The following ITCH variants were observed in gnomAD, a reference collection of about 807,000 sequenced individuals.
ITCH encodes the protein itchy E3 ubiquitin protein ligase, also known as E3 ubiquitin-protein ligase Itchy homolog.
In ITCH, 28 loss-of-function variants were observed where a neutral mutation model predicts 126.8. The observed-to-expected ratio is 0.22, with a 90% CI of 0.16 to 0.30. The LOEUF (loss-of-function observed/expected upper bound fraction) is 0.30, where lower values mean the gene tolerates loss of function less well. ITCH is among the 10% of genes least tolerant of loss of function. ITCH has a pLI of 1.00. For synonymous variants in ITCH, 342 were observed against 340.0 expected (o/e 1.01, Z -0.06); for missense variants, 631 against 1,032.4 (o/e 0.61, Z 5.33).
intron 12 of ITCH, among the ~76,000 whole-genome samples, chr20:34,456,994 G>GATT (rs1294112316): frequency 6.6e-6 from 1 of 151,634 alleles, no homozygotes; most frequent in African/African-American, 2.4e-5. Flanking sequence ...GTTTCAGGTA[G>GATT]ATTATTTAAC....
At chr20:34,407,306 G>A (rs1377672177) in intron 3 of ITCH, among the ~76,000 whole-genome samples, 2 of 151,846 alleles carry the variant, frequency 1.3e-5, no homozygotes, top group African/African-American at 2.4e-5. Context: ...TCACTCTGTC[G>A]CCCAGGCTGG....
At chr20:34,407,042 G>A (rs572898158) in intron 3 of ITCH, among the ~76,000 whole-genome samples, 4 of 152,156 alleles carry the variant, frequency 2.6e-5, no homozygotes, top group African/African-American at 9.6e-5. Context: ...GGAAATCATG[G>A]GGTGCTTTGC....
chr20:34,393,660 G>GA (rs2038564782), intron 2 of ITCH, 131 bp from the exon 3 acceptor site: 1 of 714,298 alleles, frequency 1.4e-6, no homozygotes, highest in African/African-American at 1.8e-5. Context: ...GACTAGAATT[G>GA]AAAATTGTGT....
intron 6 of ITCH, among the ~76,000 whole-genome samples, chr20:34,423,119 G>C (rs754278709): frequency 3.3e-5 from 5 of 152,024 alleles, no homozygotes; most frequent in Non-Finnish European, 7.4e-5. Context: ...CTAAAAATTC[G>C]TCTTTTTCTG....
intron 7 of ITCH, among the ~76,000 whole-genome samples, chr20:34,428,999 G>A (rs780643035): frequency 2.0e-5 from 3 of 152,042 alleles, no homozygotes; most frequent in Non-Finnish European, 2.9e-5. Context: ...GTGCAGTGGC[G>A]TGATCTCAGC....
At chr20:34,468,757 C>T (rs550311231) in intron 14 of ITCH, among the ~76,000 whole-genome samples, 9 of 150,706 alleles carry the variant, frequency 6.0e-5, no homozygotes, top group African/African-American at 2.0e-4. Flanking sequence ...CGCCACTGCA[C>T]TCCAGCCTGG....
At chr20:34,389,343 G>C (rs950339333) in intron 2 of ITCH, among the ~76,000 whole-genome samples, 2 of 152,054 alleles carry the variant, frequency 1.3e-5, no homozygotes, top group Admixed American at 6.6e-5. Flanking sequence ...TTGAAAAAAG[G>C]CTGCATATAA....
intron 2 of ITCH, among the ~76,000 whole-genome samples, chr20:34,393,432 G>C (rs1433979644): frequency 6.6e-6 from 1 of 152,182 alleles, no homozygotes; most frequent in Non-Finnish European, 1.5e-5. Context: ...AAGGGAATGA[G>C]TGTAGATAGA....
chr20:34,380,724 T>C (rs2146019483), intron 2 of ITCH, among the ~76,000 whole-genome samples: 1 of 151,472 alleles, frequency 6.6e-6, no homozygotes, highest in Middle Eastern at 3.4e-3. Flanking sequence ...GTGCTATGAT[T>C]ACAGGCATGA....
chr20:34,418,590 CA>C (rs1980281189), intron 6 of ITCH, among the ~76,000 whole-genome samples: 2 of 151,958 alleles, frequency 1.3e-5, no homozygotes, highest in African/African-American at 4.8e-5. Context: ...TACTAGATCT[CA>C]ACTGGTCTGG....
chr20:34,389,405 G>C (rs2038406629), intron 2 of ITCH, among the ~76,000 whole-genome samples: 1 of 152,086 alleles, frequency 6.6e-6, no homozygotes, highest in Admixed American at 6.6e-5. Flanking sequence ...ACTGTAATTA[G>C]AATTATAAAA....
intron 2 of ITCH, among the ~76,000 whole-genome samples, chr20:34,389,742 C>G (rs1192983403): frequency 6.6e-6 from 1 of 152,086 alleles, no homozygotes; most frequent in Non-Finnish European, 1.5e-5. Context: ...GACTTTATTA[C>G]TCAAAGTCAT....
intron 12 of ITCH, among the ~76,000 whole-genome samples, chr20:34,451,854 G>A (rs1188685520): frequency 6.6e-6 from 1 of 152,070 alleles, no homozygotes; most frequent in Non-Finnish European, 1.5e-5. Context: ...CATTGCTTGA[G>A]CCCGGGAGTT....
chr20:34,398,765 C>G (rs2038766603), intron 3 of ITCH, among the ~76,000 whole-genome samples: 2 of 151,734 alleles, frequency 1.3e-5, no homozygotes, highest in South Asian at 4.2e-4. Context: ...CTAATTGGGT[C>G]TAAATATTCT....
At chr20:34,447,444 C>G (rs572082277) in intron 11 of ITCH, among the ~76,000 whole-genome samples, 2 of 152,144 alleles carry the variant, frequency 1.3e-5, no homozygotes, top group East Asian at 3.9e-4. Flanking sequence ...ATGAAGTGGC[C>G]TTTGTCCACC....
intron 14 of ITCH, among the ~76,000 whole-genome samples, 193 bp from the exon 15 acceptor site, chr20:34,469,855 T>G (rs1246160472): frequency 6.6e-6 from 1 of 152,236 alleles, no homozygotes. Flanking sequence ...AGTTTTTTGT[T>G]TGTTTTTTCT....
intron 7 of ITCH, among the ~76,000 whole-genome samples, chr20:34,426,729 G>T (rs1981574773): frequency 6.6e-6 from 1 of 151,422 alleles, no homozygotes; most frequent in Admixed American, 6.6e-5. Flanking sequence ...GGGATTATAG[G>T]CATAAGCTGC....
At chr20:34,425,345 C>T (rs544936835) in intron 7 of ITCH, among the ~76,000 whole-genome samples, 2 of 152,226 alleles carry the variant, frequency 1.3e-5, no homozygotes, top group East Asian at 1.9e-4. Flanking sequence ...TCCAAGGTTT[C>T]CCCCCACTGA....
intron 16 of ITCH, among the ~76,000 whole-genome samples, chr20:34,477,428 G>T (rs1988333652): frequency 6.6e-6 from 1 of 152,172 alleles, no homozygotes; most frequent in Admixed American, 6.5e-5. Context: ...TACTTGGGAG[G>T]CTAAGGCAAG....
Sources: allele counts gnomAD v4.1 joint callset (sites outside exome capture counted in the v4.1 genomes callset), GRCh38; gene constraint gnomAD v4.1.1; transcripts MANE v1.5; gene names NCBI Gene and HGNC (gene_info 2026-07-23, HGNC 2026-07-21).